The following EVC2 variants were observed in gnomAD, a reference collection of about 807,000 sequenced individuals.
EVC2 encodes EvC ciliary complex subunit 2.
Under a neutral mutation model 149.3 loss-of-function variants are expected in EVC2, and 148 were observed. The observed-to-expected ratio is 0.99, with a 90% CI of 0.87 to 1.14. The LOEUF (loss-of-function observed/expected upper bound fraction) is 1.14, where lower values mean the gene tolerates loss of function less well. Among genes scored for constraint, EVC2 ranks in the 50% most tolerant of loss-of-function variants. The pLI is 0.00. For missense variants in EVC2, 1,854 were observed against 1,627.3 expected, an observed-to-expected ratio of 1.14 and a Z score of -2.40; for synonymous variants, 776 against 649.9, an observed-to-expected ratio of 1.19 and a Z score of -2.95.
intron 19 of EVC2, among the ~76,000 whole-genome samples, chr4:5,571,362 C>G (rs1172318501): frequency 6.8e-6 from 1 of 146,874 alleles, no homozygotes; most frequent in Non-Finnish European, 1.5e-5. Flanking sequence ...ACAATGTACA[C>G]TGTTCAGGTG....
rs1346166886 is a variant in EVC2, at chr4:5,677,130, C to T, written c.870+4130G>A. 3.7e-4 allele frequency among the ~76,000 whole-genome samples: 56 copies of T among 152,180 alleles called. No individual in the cohort carries two copies. Among genetic ancestry groups the T allele is most frequent in the Admixed American group, 3.7e-3 (56 of 15,292 alleles). On this transcript the variant is annotated intron_variant, in intron 7 of 21. Transcript: ENST00000344408. This position sits in a 1 kb window ranked among gnomAD's most constrained non-coding sequence, Gnocchi z 4.3. ...CAACAGCTGACATTTATGGAGCCCTCACAGTGCCAGGCACTGTGCTGAGTA... is the reference window on the plus strand; with the variant it reads ...CAACAGCTGACATTTATGGAGCCCTTACAGTGCCAGGCACTGTGCTGAGTA...
chr4:5,662,030 A>G (rs1718908893), intron 9 of EVC2, among the ~76,000 whole-genome samples: 1 of 152,206 alleles, frequency 6.6e-6, no homozygotes, highest in South Asian at 2.1e-4. Flanking sequence ...AACTGAATTC[A>G]GTTCAGTACA....
chr4:5,595,533 C>T (rs1416280651), intron 16 of EVC2, among the ~76,000 whole-genome samples: 3 of 152,082 alleles, frequency 2.0e-5, no homozygotes, highest in Non-Finnish European at 4.4e-5. Flanking sequence ...GATTTTGTCA[C>T]CACCAGGCCT....
chr4:5,585,911 G>C (rs926163070), intron 16 of EVC2, among the ~76,000 whole-genome samples: 1 of 151,988 alleles, frequency 6.6e-6, no homozygotes, highest in African/African-American at 2.4e-5. Flanking sequence ...ACCCAAGCTG[G>C]AGTGCAGTGG....
At chr4:5,547,317 T>A (rs561643962) in intron 21 of EVC2, among the ~76,000 whole-genome samples, 1 of 152,364 alleles carries the variant, frequency 6.6e-6, no homozygotes, top group Non-Finnish European at 1.5e-5. Context: ...ATGGCTGGCC[T>A]GCAGGTGCCT....
rs1720329926 is a variant in EVC2 at position 5,681,311 on chromosome 4, G to A, written c.819C>T (p.Asn273=). 1 of 1,614,094 alleles carries A rather than the reference G, an allele frequency of 6.2e-7. No individual in the cohort carries two copies. Among genetic ancestry groups the A allele is most frequent in the Non-Finnish European group, 8.5e-7 (1 of 1,180,046 alleles). ...AAAAAAGCACTTTCAGCTGTGTTCT[G>A]TTCTAGAAAAGGAAAAAAGAAAACA... ...AQLTFQSSSR[N]RTQLKVLFSI... The change falls in exon 7 of 22, where the codon AAC becomes AAT. Residue 273 remains asparagine, a splice_region_variant and synonymous_variant. Transcript: ENST00000344408.
At chr4:5,698,420 A>G (rs1721621041) in intron 1 of EVC2, among the ~76,000 whole-genome samples, 1 of 152,266 alleles carries the variant, frequency 6.6e-6, no homozygotes, top group Non-Finnish European at 1.5e-5. Context: ...TAAGTCTCTC[A>G]GCCTCTCTGA....
In EVC2 at chr4:5,671,956, A is replaced by G. The variant is rs1275263257; in HGVS notation, c.871-6307T>C. Among the ~76,000 whole-genome samples the G allele has an allele frequency of 2.6e-5, 4 of 152,338 alleles. No individual in the cohort carries two copies. In the South Asian group the frequency reaches 8.3e-4, roughly 32 times the overall value. The stretch of plus-strand genomic sequence containing the variant: ...GTTTGACCCCGTGTTTGGATGTGAC[A>G]CTACACTTTCCTGATGTTAATTCAC... On this transcript the variant is annotated intron_variant, in intron 7 of 21. Coordinates refer to ENST00000344408, the MANE Select transcript of EVC2 (RefSeq NM_147127.5).
At chr4:5,566,601 G>A (rs1296528911) in intron 20 of EVC2, among the ~76,000 whole-genome samples, 2 of 152,204 alleles carry the variant, frequency 1.3e-5, no homozygotes, top group African/African-American at 2.4e-5. Flanking sequence ...CAAGAATAGT[G>A]CATGCCCTGC....
chr4:5,577,013 C>G (rs1403802317), intron 17 of EVC2, among the ~76,000 whole-genome samples: 1 of 152,222 alleles, frequency 6.6e-6, no homozygotes, highest in African/African-American at 2.4e-5. Context: ...GGCTGGAACA[C>G]AGCAACTATG....
chr4:5,615,573 A>C, intron 15 of EVC2, 29 bp from the exon 16 acceptor site: 1 of 1,614,032 alleles, frequency 6.2e-7, no homozygotes, highest in Non-Finnish European at 8.5e-7. Flanking sequence ...AGACGTGGGT[A>C]AGAAGGCAAT....
chr4:5,683,989 A>C (rs933167294), intron 6 of EVC2, among the ~76,000 whole-genome samples: 15 of 151,916 alleles, frequency 9.9e-5, no homozygotes, highest in African/African-American at 3.4e-4. Flanking sequence ...CTCCTGCCTG[A>C]GGACATGGAA....
intron 7 of EVC2, among the ~76,000 whole-genome samples, chr4:5,680,526 A>C (rs1720269484): frequency 6.6e-6 from 1 of 152,186 alleles, no homozygotes; most frequent in Non-Finnish European, 1.5e-5. Flanking sequence ...GCGTGACTGT[A>C]TATGTAAGTC....
intron 7 of EVC2, 146 bp downstream of exon 7, chr4:5,681,114 C>T (rs533905226): frequency 1.4e-5 from 13 of 908,076 alleles, no homozygotes; most frequent in African/African-American, 6.5e-5. Context: ...ACGGGGGACC[C>T]GAGAGACTGC....
rs1317647971 is a variant in EVC2, at chr4:5,679,683, AG to A, written c.870+1576del. Among the ~76,000 whole-genome samples, 1 of 152,180 alleles carries A rather than the reference AG, an allele frequency of 6.6e-6. No homozygotes were observed. Among genetic ancestry groups the A allele is most frequent in the African/African-American group, 2.4e-5 (1 of 41,430 alleles). The stretch of plus-strand genomic sequence containing the variant: ...TGCAGAACGTGCAGGTTTGTTACAT[AG>A]GTATACATGTGTCATGGTGGTTTGC... On this transcript the variant is annotated intron_variant, in intron 7 of 21. Coordinates refer to ENST00000344408, the MANE Select transcript of EVC2 (RefSeq NM_147127.5). This position sits in a 1 kb window ranked among gnomAD's most constrained non-coding sequence, Gnocchi z 5.1.
chr4:5,694,188 TGCTACCC>T, intron 3 of EVC2, 140 bp downstream of exon 3: 1 of 782,274 alleles, frequency 1.3e-6, no homozygotes, highest in South Asian at 1.7e-5. Flanking sequence ...TAAATGGATT[TGCTACCC>T]AGTGATAACT....
rs761967966 is a variant in EVC2 at position 5,640,548 on chromosome 4, TC to T, written c.1435del (p.Glu479LysfsTer6). 6.2e-7 allele frequency: 1 copy of T among 1,614,038 alleles called. No homozygotes were observed. The highest frequency in any genetic ancestry group is 1.3e-5 in the African/African-American group (1 of 74,918). On this transcript the variant is annotated frameshift_variant, in exon 10 of 22. Transcript: ENST00000344408. LOFTEE classifies it high-confidence loss of function. The surrounding 1 kb of genome is among the most constrained non-coding windows in gnomAD (Gnocchi z 4.6). ...QYQREMMAME[E>X]AEELLKRAGE... ...AGCACGTTTCAGCAACTCTTCTGCTTCCTCCATTGCCATCATCTCTCTCTGG... is the reference window on the plus strand; with the variant it reads ...AGCACGTTTCAGCAACTCTTCTGCTTCTCCATTGCCATCATCTCTCTCTGG...
intron 1 of EVC2, 90 bp downstream of exon 1, chr4:5,708,195 CG>C (rs1373888576): frequency 8.6e-6 from 10 of 1,164,440 alleles, no homozygotes; most frequent in Non-Finnish European, 9.1e-6. Context: ...TCATTCTTTG[CG>C]AAATACTAAG....
chr4:5,653,826 A>T (rs1439385477), intron 9 of EVC2, among the ~76,000 whole-genome samples: 2 of 152,098 alleles, frequency 1.3e-5, no homozygotes, highest in African/African-American at 4.8e-5. Flanking sequence ...GTAGAGCTGG[A>T]CTCCTTAATG....
Sources: allele counts gnomAD v4.1 joint callset (sites outside exome capture counted in the v4.1 genomes callset), GRCh38; gene constraint gnomAD v4.1.1; non-coding constraint Gnocchi (gnomAD v3.1); transcripts MANE v1.5; gene names NCBI Gene and HGNC (gene_info 2026-07-23, HGNC 2026-07-21).